Variants in PTK6 observed in about 807,000 individuals in gnomAD.
PTK6 encodes the protein protein-tyrosine kinase 6.
A neutral mutation model predicts 47.5 loss-of-function variants in PTK6; 47 were observed. The observed-to-expected ratio is 0.99, with a 90% CI of 0.78 to 1.26. The LOEUF (loss-of-function observed/expected upper bound fraction) is 1.26, where lower values mean the gene tolerates loss of function less well. Ranked by LOEUF, PTK6 falls within the 50% of genes most tolerant of loss-of-function variation. PTK6 has a pLI of 0.00. For missense variants in PTK6, 618 were observed against 625.3 expected, an observed-to-expected ratio of 0.99 and a Z score of 0.12; for synonymous variants, 287 against 276.5, an observed-to-expected ratio of 1.04 and a Z score of -0.38.
chr20:63,534,468 C>T (rs6011884), intron 2 of PTK6, among the ~76,000 whole-genome samples, 153 bp from the exon 3 acceptor site: 19,779 of 152,080 alleles, frequency 0.13, 4,081 homozygotes, highest in African/African-American at 0.44. Context: ...TCCCTCAGAA[C>T]GGCTCCCTCC....
chr20:63,533,734 G>A lies in PTK6; in HGVS notation c.517-30C>T. The A allele has an allele frequency of 1.3e-6, 2 of 1,590,368 alleles. No homozygotes were observed. Among genetic ancestry groups the A allele is most frequent in the Non-Finnish European group, 1.7e-6 (2 of 1,167,988 alleles). ...AGGAAGAGTCGGGGACACAGGGCAG[G>A]GGCTCATCCTTCAGGAAGTGCCAGT... On this transcript the variant is annotated intron_variant, in intron 3 of 7. Transcript: ENST00000542869. This position sits in a 1 kb window ranked among gnomAD's most constrained non-coding sequence, Gnocchi z 4.0.
Position 63,533,926 on chromosome 20 carries a change from G to A in PTK6, c.517-222C>T, listed in dbSNP as rs2082644375. 6.6e-6 allele frequency among the ~76,000 whole-genome samples: 1 copy of A among 152,124 alleles called. No homozygotes were observed. Among genetic ancestry groups the A allele is most frequent in the African/African-American group, 2.4e-5 (1 of 41,430 alleles). On this transcript the variant is annotated intron_variant, in intron 3 of 7. Transcript: ENST00000542869. The surrounding 1 kb of genome is among the most constrained non-coding windows in gnomAD (Gnocchi z 4.0). ...CGGAGCCAGGACCCTGCAGAGTGCC[G>A]CTGGCCTCTCCGAGAGTGGCCAGGC...
chr20:63,533,170 C>T lies in PTK6; in HGVS notation c.670+381G>A, dbSNP rs113718099. Among the ~76,000 whole-genome samples the T allele has an allele frequency of 0.13, 19,416 of 151,502 alleles. 3,981 individuals are homozygous for T. Among genetic ancestry groups the T allele is most frequent in the African/African-American group, 0.44 (18,015 of 41,062 alleles). ...GCAATCTCCGCCTCCTGGGTTGAAG[C>T]GATTCTCCTGCCTCAGCCTCCCGAG... is the stretch of plus-strand genomic sequence containing the variant. On this transcript the variant is annotated intron_variant, in intron 4 of 7. Transcript: ENST00000542869. This position sits in a 1 kb window ranked among gnomAD's most constrained non-coding sequence, Gnocchi z 4.0.
At chr20:63,536,963 G>A (rs2145978996) in intron 1 of PTK6, 122 bp downstream of exon 1, 4 of 1,036,700 alleles carry the variant, frequency 3.9e-6, no homozygotes, top group Non-Finnish European at 2.8e-6. Flanking sequence ...ACTTTGGGGT[G>A]CAGGAAGATG....
Position 63,537,090 on chromosome 20 carries a change from C to T in PTK6, c.225G>A (p.Ser75=), listed in dbSNP as rs756045927. Residue 75 remains serine, a synonymous_variant, in exon 1 of 8, where the codon TCG becomes TCA. Transcript: ENST00000542869. ...CAGCAGCCTAGGACACGCACGGTTCCGACTCCACCGTCTCCCTCTCGGCCA... is the reference window on the plus strand; with the variant it reads ...CAGCAGCCTAGGACACGCACGGTTCTGACTCCACCGTCTCCCTCTCGGCCA... ...NYLAERETVE[S]EPWFFGCISR... The T allele has an allele frequency of 5.0e-6, 8 of 1,608,342 alleles. No homozygotes were observed. Among genetic ancestry groups the T allele is most frequent in the African/African-American group, 4.0e-5 (3 of 74,756 alleles).
rs747373941 is a variant in PTK6, at chr20:63,534,273, C to T, written c.395G>A (p.Arg132His). The part of the protein sequence containing the change: ...QAVRHYKIWR[R>H]AGGRLHLNEA... ...GTTCAGGTGCAGCCGGCCCCCGGCA[C>T]GCCGCCAGATCTTGTAGTGCCGCAC... The change falls in exon 3 of 8, where the codon CGT becomes CAT. Residue 132 changes from arginine to histidine, a missense_variant. By Grantham distance (29) the Arg-to-His change is conservative. Coordinates refer to ENST00000542869, the MANE Select transcript of PTK6 (RefSeq NM_005975.4). 29 of 1,608,642 alleles carry T rather than the reference C, an allele frequency of 1.8e-5. No individual in the cohort carries two copies. Among genetic ancestry groups the T allele is most frequent in the African/African-American group, 4.0e-5 (3 of 74,990 alleles).
At chr20:63,536,555 A>G (rs2082669405) in intron 1 of PTK6, among the ~76,000 whole-genome samples, 1 of 151,896 alleles carries the variant, frequency 6.6e-6, no homozygotes, top group African/African-American at 2.4e-5. Flanking sequence ...TGTGGAAGCC[A>G]GGGCCAGGCC....
intron 2 of PTK6, 45 bp from the exon 3 acceptor site, chr20:63,534,360 C>T (rs1432506136): frequency 1.3e-6 from 2 of 1,531,290 alleles, no homozygotes; most frequent in South Asian, 1.2e-5. Flanking sequence ...AACTCCGACG[C>T]CTCCCTGCGT....
Position 63,532,509 on chromosome 20 carries a change from C to T in PTK6, c.832+17G>A, listed in dbSNP as rs375193401. ...CCCCCGCTGCCTCCAGCAAGAGCCCCGGCCCATGCCACTCACCGCGGAGCA... is the reference window on the plus strand; with the variant it reads ...CCCCCGCTGCCTCCAGCAAGAGCCCTGGCCCATGCCACTCACCGCGGAGCA... On this transcript the variant is annotated intron_variant, in intron 5 of 7. Transcript: ENST00000542869. 1.1e-3 allele frequency: 1,800 copies of T among 1,596,946 alleles called. 1 individual carries two copies. The highest frequency in any genetic ancestry group is 1.4e-3 in the Non-Finnish European group (1,690 of 1,168,014).
intron 2 of PTK6, 82 bp from the exon 3 acceptor site, chr20:63,534,397 C>T (rs2082648532): frequency 1.4e-6 from 2 of 1,462,332 alleles, no homozygotes; most frequent in Non-Finnish European, 1.8e-6. Context: ...CACACCTGCG[C>T]AGAGTTTCTG....
intron 1 of PTK6, among the ~76,000 whole-genome samples, chr20:63,536,400 G>C (rs2082667799): frequency 6.7e-6 from 1 of 149,342 alleles, no homozygotes; most frequent in African/African-American, 2.5e-5. Context: ...CCTCTTTACA[G>C]CCTCCCCTGC....
In PTK6 at chr20:63,529,836, C is replaced by T; in HGVS notation, c.1169-113G>A. The T allele has an allele frequency of 1.6e-6, 2 of 1,256,194 alleles. No individual in the cohort carries two copies. The highest frequency in any genetic ancestry group is 2.5e-5 in the East Asian group (1 of 39,314). 77.8% of individuals were successfully genotyped at this position (1,256,194 alleles called of 1,614,324 possible). A position where few individuals can be genotyped will look rare whatever the true frequency, so the allele number is the denominator to read the frequency against. On this transcript the variant is annotated intron_variant, in intron 7 of 7. Coordinates refer to ENST00000542869, the MANE Select transcript of PTK6 (RefSeq NM_005975.4). The surrounding 1 kb of genome is among the most constrained non-coding windows in gnomAD (Gnocchi z 5.6). ...GGGCCTTCCCCGCAGCCTCAGCTGC[C>T]ATGCCTTGGCGCCACCCAGCACACT...
intron 5 of PTK6, 99 bp downstream of exon 5, chr20:63,532,427 C>G: frequency 7.2e-7 from 1 of 1,394,820 alleles, no homozygotes; most frequent in Admixed American, 2.0e-5. Flanking sequence ...GTCTGTGTGT[C>G]TACGTGTGTG....
chr20:63,537,002 C>A, intron 1 of PTK6, 83 bp downstream of exon 1: 1 of 1,424,842 alleles, frequency 7.0e-7, no homozygotes, highest in Non-Finnish European at 9.5e-7. Context: ...TCTTGGGCCT[C>A]CCTGAGCAGC....
chr20:63,532,721 C>T (rs760772291), intron 4 of PTK6, 34 bp from the exon 5 acceptor site: 16 of 1,604,396 alleles, frequency 1.0e-5, no homozygotes, highest in African/African-American at 2.7e-5. Flanking sequence ...GGATGCAGCC[C>T]CTGACCCCCC....
In PTK6 at chr20:63,537,206, C is replaced by T. The variant is rs757318592; in HGVS notation, c.109G>A (p.Val37Met). Residue 37 changes from valine (V) to methionine (M), a missense_variant, in exon 1 of 8, where the codon GTG becomes ATG. Val to Met is a conservative substitution (Grantham distance 21). Coordinates refer to ENST00000542869, the MANE Select transcript of PTK6 (RefSeq NM_005975.4). Reference protein sequence around the residue: ...LSFRAGDVFHVARKEEQWWWA... With the variant: ...LSFRAGDVFHMARKEEQWWWA... ...CACCACTGCTCCTCCTTCCTGGCCA[C>T]GTGGAAGACGTCCCCCGCGCGGAAG... is the stretch of plus-strand genomic sequence containing the variant. 6 of 1,612,234 alleles carry T rather than the reference C, an allele frequency of 3.7e-6. No individual in the cohort carries two copies. Among genetic ancestry groups the T allele is most frequent in the African/African-American group, 1.3e-5 (1 of 74,942 alleles).
chr20:63,535,892 A>T (rs1199909335), intron 1 of PTK6, among the ~76,000 whole-genome samples: 1 of 5,726 alleles, frequency 1.7e-4, no homozygotes, highest in African/African-American at 5.6e-4. Context: ...CCCCCTCCTC[A>T]CCTGGCCTCC....
At chr20:63,536,637 C>T (rs950295829) in intron 1 of PTK6, among the ~76,000 whole-genome samples, 1 of 152,150 alleles carries the variant, frequency 6.6e-6, no homozygotes, top group Non-Finnish European at 1.5e-5. Flanking sequence ...GCCCGCTCCC[C>T]TAACTAGGTC....
chr20:63,531,537 C>T (rs1352781067), intron 5 of PTK6, among the ~76,000 whole-genome samples: 2 of 149,066 alleles, frequency 1.3e-5, no homozygotes, highest in Admixed American at 6.7e-5. Flanking sequence ...ATCATTTGAA[C>T]CCAGGAGGTG....
Sources: gnomAD v4.1 joint callset for allele counts (sites outside exome capture counted in the v4.1 genomes callset) on GRCh38, gnomAD v4.1.1 for gene constraint, Gnocchi (gnomAD v3.1) non-coding constraint, MANE v1.5 for transcripts, NCBI Gene and HGNC (gene_info 2026-07-23, HGNC 2026-07-21) for gene names.